The following SIK3 variants were observed in gnomAD, a reference collection of about 807,000 sequenced individuals.
SIK3 encodes the protein serine/threonine-protein kinase SIK3.
SIK3 carries 28 observed loss-of-function variants against 144.2 expected under a neutral mutation model. The ratio of observed to expected loss-of-function variants is 0.19; its 90% CI spans 0.14 to 0.27. The LOEUF (loss-of-function observed/expected upper bound fraction) is 0.27. SIK3 is among the 10% of genes least tolerant of loss of function. The probability of loss-of-function intolerance (pLI) is 1.00; values close to 1 mark genes in which losing one functional copy is unlikely to be tolerated. For synonymous variants in SIK3, 686 were observed against 676.3 expected (o/e 1.01, Z -0.22); for missense variants, 1,319 against 1,776.0 (o/e 0.74, Z 4.62).
intron 1 of SIK3, among the ~76,000 whole-genome samples, chr11:117,009,972 T>A (rs1717880428): frequency 6.6e-6 from 1 of 151,986 alleles, no homozygotes; most frequent in Non-Finnish European, 1.5e-5. Context: ...TGGAAAAAAA[T>A]ATCTAAAAAT....
At chr11:117,094,079 T>C (rs1003861231) in intron 1 of SIK3, among the ~76,000 whole-genome samples, 3 of 152,154 alleles carry the variant, frequency 2.0e-5, no homozygotes, top group African/African-American at 7.2e-5. Context: ...TAAGTACTAC[T>C]GTCATCCCAC....
chr11:117,039,691 T>C (rs1313670108), intron 1 of SIK3, among the ~76,000 whole-genome samples: 3 of 152,224 alleles, frequency 2.0e-5, no homozygotes, highest in African/African-American at 7.2e-5. Context: ...ATAAGTAACA[T>C]TTGTTGGGCA....
At chr11:116,888,297 G>A (rs1339517209) in intron 6 of SIK3, among the ~76,000 whole-genome samples, 3 of 152,266 alleles carry the variant, frequency 2.0e-5, no homozygotes, top group East Asian at 1.9e-4. Flanking sequence ...TCTCAATCAC[G>A]CTATCTCCCG....
At chr11:117,025,243 T>C (rs944800733) in intron 1 of SIK3, among the ~76,000 whole-genome samples, 3 of 152,074 alleles carry the variant, frequency 2.0e-5, no homozygotes, top group African/African-American at 7.2e-5. Flanking sequence ...TTGAAAAAAA[T>C]CACTGATCCG....
intron 4 of SIK3, among the ~76,000 whole-genome samples, chr11:116,926,326 G>A (rs974339651): frequency 2.0e-5 from 3 of 152,154 alleles, no homozygotes. Context: ...ATTAGTAAAT[G>A]GTGAGTCTGT....
chr11:116,859,608 G>T lies in SIK3; in HGVS notation c.2426-4C>A. 6.2e-7 allele frequency: 1 copy of T among 1,612,116 alleles called. No individual in the cohort carries two copies. The highest frequency in any genetic ancestry group is 8.5e-7 in the Non-Finnish European group (1 of 1,178,838). On this transcript the variant is annotated splice_region_variant and splice_polypyrimidine_tract_variant and intron_variant, in intron 19 of 24. Transcript: ENST00000445177. ...AACTGGGAAGAAGATGCAGCCCCTG[G>T]AGAGAAAGGAACCTCAGAGTGACCA...
At chr11:116,947,236 T>TAATATATAATATACAAATTATTA (rs1565487382) in intron 3 of SIK3, among the ~76,000 whole-genome samples, 2 of 95,824 alleles carry the variant, frequency 2.1e-5, no homozygotes, top group Non-Finnish European at 4.1e-5. Flanking sequence ...TATTTATATA[T>TAATATATAATATACAAATTATTA]TTTATATATA....
chr11:117,021,369 TA>T (rs1951755130), intron 1 of SIK3, among the ~76,000 whole-genome samples: 1 of 152,132 alleles, frequency 6.6e-6, no homozygotes, highest in Non-Finnish European at 1.5e-5. Context: ...ACAAATTTGC[TA>T]AACTGCCTTG....
At chr11:116,965,087 T>G (rs768127406) in intron 1 of SIK3, among the ~76,000 whole-genome samples, 1 of 152,168 alleles carries the variant, frequency 6.6e-6, no homozygotes, top group Non-Finnish European at 1.5e-5. Context: ...TGTGCAAAAT[T>G]AGTAAATGGT....
rs1053158668 is a variant in SIK3, at chr11:116,900,868, T to A, written c.617-3551A>T. Among the ~76,000 whole-genome samples, 134 of 127,502 alleles carry A rather than the reference T, an allele frequency of 1.1e-3. 1 individual carries two copies. The Middle Eastern group carries it at 0.011, about 10-fold the overall frequency. The allele number at this position is 127,502 out of a possible 152,430, so 83.6% of individuals were successfully genotyped here. On this transcript the variant is annotated intron_variant, in intron 4 of 24. Coordinates refer to ENST00000445177, the MANE Select transcript of SIK3 (RefSeq NM_001366686.3). Reference sequence around the variant, plus strand: ...TACATATACATATATATTATTTATTTTTTTTTTTTTTTTGAGACAGAGTTT... The same window carrying A: ...TACATATACATATATATTATTTATTATTTTTTTTTTTTTGAGACAGAGTTT...
intron 1 of SIK3, among the ~76,000 whole-genome samples, chr11:117,042,854 C>CT (rs1426560348): frequency 6.6e-6 from 1 of 152,120 alleles, no homozygotes; most frequent in Non-Finnish European, 1.5e-5. Context: ...AAGTTGTTTA[C>CT]TTAGTAGCCG....
intron 4 of SIK3, among the ~76,000 whole-genome samples, chr11:116,902,404 AAAC>A (rs1945782761): frequency 6.6e-6 from 1 of 152,236 alleles, no homozygotes; most frequent in Admixed American, 6.5e-5. Flanking sequence ...GTTACAAAGA[AAAC>A]AATATCAAAG....
At chr11:117,012,294 G>T (rs1379155081) in intron 1 of SIK3, among the ~76,000 whole-genome samples, 1 of 152,034 alleles carries the variant, frequency 6.6e-6, no homozygotes, top group East Asian at 1.9e-4. Context: ...TTTTAGAAAA[G>T]TTTTTTTAAT....
intron 1 of SIK3, among the ~76,000 whole-genome samples, chr11:117,038,146 ACT>A (rs906424736): frequency 6.6e-5 from 10 of 151,736 alleles, no homozygotes; most frequent in African/African-American, 2.2e-4. Flanking sequence ...CTGTATAGAG[ACT>A]CTCCTTATAG....
chr11:116,998,219 C>A (rs960046852), intron 1 of SIK3, among the ~76,000 whole-genome samples: 1 of 150,614 alleles, frequency 6.6e-6, no homozygotes, highest in South Asian at 2.1e-4. Flanking sequence ...AAGTAAAATA[C>A]TGACAACTTT....
At chr11:117,014,794 G>A (rs1250798258) in intron 1 of SIK3, among the ~76,000 whole-genome samples, 2 of 152,108 alleles carry the variant, frequency 1.3e-5, no homozygotes, top group Non-Finnish European at 2.9e-5. Flanking sequence ...TTTTAAGTGG[G>A]TAGTTCACAC....
intron 1 of SIK3, among the ~76,000 whole-genome samples, chr11:116,960,604 TG>T (rs947660025): frequency 1.3e-5 from 2 of 152,248 alleles, no homozygotes; most frequent in Non-Finnish European, 2.9e-5. Context: ...GCAAGGACTC[TG>T]AAGACAAGCT....
At chr11:117,098,028 G>T in intron 1 of SIK3, 115 bp downstream of exon 1, 5 of 1,149,636 alleles carry the variant, frequency 4.3e-6, no homozygotes, top group Non-Finnish European at 5.3e-6. Context: ...CCGCCTCCCG[G>T]CCCCCAACGC....
chr11:117,068,786 A>C (rs1397021781), intron 1 of SIK3, among the ~76,000 whole-genome samples: 1 of 152,258 alleles, frequency 6.6e-6, no homozygotes, highest in East Asian at 1.9e-4. Flanking sequence ...CCTAACCCAA[A>C]ATGTTCTTTC....
Sources: gnomAD v4.1 joint callset for allele counts (sites outside exome capture counted in the v4.1 genomes callset) on GRCh38, gnomAD v4.1.1 for gene constraint, MANE v1.5 for transcripts, NCBI Gene and HGNC (gene_info 2026-07-23, HGNC 2026-07-21) for gene names.